Variants in SLC8A1 observed in about 807,000 individuals in gnomAD.
The protein encoded by SLC8A1 is solute carrier family 8 member A1.
Under a neutral mutation model 68.3 loss-of-function variants are expected in SLC8A1, and 18 were observed. The observed-to-expected ratio is 0.26, with a 90% confidence interval of 0.18 to 0.39. SLC8A1 has a LOEUF of 0.39. SLC8A1 is among the 10% of genes least tolerant of loss of function. The pLI is 1.00. For missense variants in SLC8A1, 985 were observed against 1,156.7 expected (o/e 0.85, Z 2.15); for synonymous variants, 475 against 415.5 (o/e 1.14, Z -1.74).
chr2:40,448,833 AAAACAAAAAG>A (rs1701915945), intron 1 of SLC8A1, among the ~76,000 whole-genome samples: 1 of 152,222 alleles, frequency 6.6e-6, no homozygotes, highest in Admixed American at 6.5e-5. Context: ...CTTGGGGGCA[AAAACAAAAAG>A]ATAAAGGGAC....
chr2:40,306,870 T>C (rs137904759), intron 2 of SLC8A1, among the ~76,000 whole-genome samples: 9 of 152,290 alleles, frequency 5.9e-5, no homozygotes, highest in African/African-American at 1.4e-4. Flanking sequence ...TGAAGGAATA[T>C]TGTGATGAGT....
At chr2:40,393,705 T>C (rs1316160237) in intron 2 of SLC8A1, among the ~76,000 whole-genome samples, 1 of 152,122 alleles carries the variant, frequency 6.6e-6, no homozygotes, top group Non-Finnish European at 1.5e-5. Context: ...CTTGTGTCAT[T>C]TGATTTGCCA....
chr2:40,149,371 CAAATA>C (rs2043015033), intron 6 of SLC8A1, among the ~76,000 whole-genome samples: 1 of 152,088 alleles, frequency 6.6e-6, no homozygotes, highest in African/African-American at 2.4e-5. Context: ...AAACAAATAA[CAAATA>C]TAATATGTAA....
At chr2:40,450,442 T>A (rs1432942412) in intron 1 of SLC8A1, among the ~76,000 whole-genome samples, 2 of 152,150 alleles carry the variant, frequency 1.3e-5, no homozygotes, top group Non-Finnish European at 2.9e-5. Context: ...TGGCTCCCTC[T>A]TTCCCTTGGG....
intron 2 of SLC8A1, among the ~76,000 whole-genome samples, chr2:40,322,716 T>C (rs2075349852): frequency 6.6e-6 from 1 of 151,552 alleles, no homozygotes; most frequent in East Asian, 1.9e-4. Context: ...TAATAATGCC[T>C]TCACAAGTAT....
intron 7 of SLC8A1, among the ~76,000 whole-genome samples, chr2:40,126,572 A>G (rs1400503187): frequency 6.6e-6 from 1 of 152,196 alleles, no homozygotes; most frequent in East Asian, 1.9e-4. Context: ...AGTGGAAAGA[A>G]AATAACTTTT....
intron 4 of SLC8A1, among the ~76,000 whole-genome samples, chr2:40,168,438 A>G (rs562659637): frequency 1.3e-5 from 2 of 152,252 alleles, no homozygotes; most frequent in South Asian, 2.1e-4. Context: ...GGCAGTTTTG[A>G]CTTAAGTATC....
chr2:40,331,428 ATGTATATGCAACCCTAC>A (rs2076395167), intron 2 of SLC8A1, among the ~76,000 whole-genome samples: 1 of 152,096 alleles, frequency 6.6e-6, no homozygotes, highest in South Asian at 2.1e-4. Context: ...ACCCACTTTA[ATGTATATGCAACCCTAC>A]AGTAAAGAAC....
intron 2 of SLC8A1, among the ~76,000 whole-genome samples, chr2:40,231,486 T>A (rs1216493559): frequency 1.3e-5 from 2 of 152,026 alleles, no homozygotes; most frequent in Non-Finnish European, 2.9e-5. Context: ...AGTCCCCCAC[T>A]TTTCACACTC....
intron 2 of SLC8A1, among the ~76,000 whole-genome samples, chr2:40,312,923 C>T (rs189981110): frequency 5.9e-5 from 9 of 151,824 alleles, no homozygotes; most frequent in East Asian, 5.8e-4. Flanking sequence ...GTGTTCAATG[C>T]GATAAATCTA....
chr2:40,409,345 A>T (rs567859094), intron 2 of SLC8A1, among the ~76,000 whole-genome samples: 4 of 152,148 alleles, frequency 2.6e-5, no homozygotes, highest in Admixed American at 6.6e-5. Context: ...AAAGAGAAAA[A>T]TCAGGATTTC....
At chr2:40,102,842 T>G (rs564617284) in exon 8 of SLC8A1, 2 of 152,174 alleles carry the variant, frequency 1.3e-5, no homozygotes, top group Non-Finnish European at 2.9e-5. Flanking sequence ...AGGGATTTAT[T>G]AAAATATGAA....
At chr2:40,471,232 T>C (rs1703970539) in intron 1 of SLC8A1, among the ~76,000 whole-genome samples, 1 of 152,180 alleles carries the variant, frequency 6.6e-6, no homozygotes, top group African/African-American at 2.4e-5. Context: ...AAAAACTTCA[T>C]GTCATTCAGC....
intron 2 of SLC8A1, among the ~76,000 whole-genome samples, chr2:40,369,725 C>T (rs373730031): frequency 2.0e-5 from 3 of 152,056 alleles, no homozygotes; most frequent in African/African-American, 7.2e-5. Flanking sequence ...TTTAGCAGAT[C>T]TTGTAAATGT....
chr2:40,358,637 T>G (rs970460920), intron 2 of SLC8A1, among the ~76,000 whole-genome samples: 5 of 152,194 alleles, frequency 3.3e-5, no homozygotes, highest in African/African-American at 1.2e-4. Flanking sequence ...ATGTAGTCAT[T>G]CACCCATTCA....
intron 1 of SLC8A1, among the ~76,000 whole-genome samples, chr2:40,489,151 C>G (rs529743641): frequency 6.6e-6 from 1 of 152,202 alleles, no homozygotes; most frequent in East Asian, 1.9e-4. Context: ...ACAGATAGCA[C>G]AGTGAAGCTT....
chr2:40,330,394 G>C (rs575078309), intron 2 of SLC8A1, among the ~76,000 whole-genome samples: 1 of 152,054 alleles, frequency 6.6e-6, no homozygotes, highest in East Asian at 1.9e-4. Context: ...GTGTGTTGTT[G>C]GACTAAACGT....
At chr2:40,145,550 C>T (rs1196418454) in intron 6 of SLC8A1, among the ~76,000 whole-genome samples, 2 of 152,168 alleles carry the variant, frequency 1.3e-5, no homozygotes, top group Admixed American at 6.5e-5. Flanking sequence ...TTTTTTGCAA[C>T]CTGACATACA....
chr2:40,449,678 GTA>G (rs1702083991), intron 1 of SLC8A1, among the ~76,000 whole-genome samples: 1 of 74,232 alleles, frequency 1.3e-5, no homozygotes, highest in Admixed American at 1.4e-4. Flanking sequence ...TAATATTAAA[GTA>G]AAGACATAGG....
Sources: gnomAD v4.1 joint callset for allele counts (sites outside exome capture counted in the v4.1 genomes callset) on GRCh38, gnomAD v4.1.1 for gene constraint, MANE v1.5 for transcripts, NCBI Gene and HGNC (gene_info 2026-07-23, HGNC 2026-07-21) for gene names.